VPS37A: variants seen among roughly 807,000 people sequenced by gnomAD.
The protein encoded by VPS37A is VPS37A subunit of ESCRT-I.
Under a neutral mutation model 49.8 loss-of-function variants are expected in VPS37A, and 30 were observed. The ratio of observed to expected loss-of-function variants is 0.60; its 90% CI spans 0.45 to 0.82. VPS37A has a LOEUF of 0.82. VPS37A is among the 40% of genes least tolerant of loss of function. The probability of loss-of-function intolerance (pLI) is 0.00; values close to 1 mark genes in which losing one functional copy is unlikely to be tolerated. For synonymous variants in VPS37A, 195 were observed against 160.6 expected (o/e 1.21, Z -1.62); for missense variants, 593 against 464.4 (o/e 1.28, Z -2.55).
rs1397475484 is a variant in VPS37A, at chr8:17,295,804, T to G, written c.*818T>G. The G allele has an allele frequency of 6.6e-6, 1 of 152,182 alleles. No individual in the cohort carries two copies. Among genetic ancestry groups the G allele is most frequent in the Non-Finnish European group, 1.5e-5 (1 of 68,022 alleles). 9.4% of individuals were successfully genotyped at this position (152,182 alleles called of 1,614,324 possible). A position where few individuals can be genotyped will look rare whatever the true frequency, so the allele number is the denominator to read the frequency against. On this transcript the variant is annotated 3_prime_UTR_variant, in exon 12 of 12. Transcript: ENST00000324849. Reference sequence around the variant, plus strand: ...ACACTAAATCTATACACAAAAAAAGTCAGTGAACTTTTCTGACCTTTACTG... The same window carrying G: ...ACACTAAATCTATACACAAAAAAAGGCAGTGAACTTTTCTGACCTTTACTG...
chr8:17,328,947 C>A, the VPS37A span, among the ~76,000 whole-genome samples: 25 of 152,300 alleles, frequency 1.6e-4, no homozygotes, highest in Non-Finnish European at 3.1e-4. Flanking sequence ...TATAGAGGAC[C>A]TACACAGGAT....
At chr8:17,250,789 A>G (rs1331358370) in intron 1 of VPS37A, among the ~76,000 whole-genome samples, 2 of 152,200 alleles carry the variant, frequency 1.3e-5, no homozygotes, top group East Asian at 1.9e-4. Context: ...GGTGAATTTT[A>G]TGTAAATTTT....
In VPS37A at chr8:17,247,447, C is replaced by T. The variant is rs1811366224; in HGVS notation, c.125+78C>T. 3.1e-5 allele frequency: 47 copies of T among 1,503,802 alleles called. No homozygotes were observed. The South Asian group carries it at 5.5e-4, about 18-fold the overall frequency. 93.2% of individuals were successfully genotyped at this position (1,503,802 alleles called of 1,614,324 possible). A position where few individuals can be genotyped will look rare whatever the true frequency, so the allele number is the denominator to read the frequency against. Reference sequence around the variant, plus strand: ...CTTGTCCTAACCACCCTCACAGCGCCTCAGTCTGCTCCCCACCAGCTCCTC... The same window carrying T: ...CTTGTCCTAACCACCCTCACAGCGCTTCAGTCTGCTCCCCACCAGCTCCTC... On this transcript the variant is annotated intron_variant, in intron 1 of 11. Coordinates refer to ENST00000324849, the MANE Select transcript of VPS37A (RefSeq NM_152415.3).
downstream of VPS37A, chr8:17,305,707 A>G (rs1246389809): frequency 1.3e-6 from 2 of 1,506,806 alleles, no homozygotes; most frequent in Non-Finnish European, 1.8e-6. Context: ...ATTCTCAGTC[A>G]TCAAAATCTT....
At chr8:17,312,844 T>TA in the VPS37A span, among the ~76,000 whole-genome samples, 1 of 152,158 alleles carries the variant, frequency 6.6e-6, no homozygotes, top group African/African-American at 2.4e-5. Flanking sequence ...CATTGCATTC[T>TA]AAAACAGCTT....
chr8:17,267,533 C>T lies in VPS37A; in HGVS notation c.201-725C>T, dbSNP rs1027535696. 5.3e-5 allele frequency among the ~76,000 whole-genome samples: 8 copies of T among 152,120 alleles called. No individual in the cohort carries two copies. In the South Asian group the frequency reaches 1.0e-3, roughly 20 times the overall value. On this transcript the variant is annotated intron_variant, in intron 2 of 11. Coordinates refer to ENST00000324849, the MANE Select transcript of VPS37A (RefSeq NM_152415.3). ...GTGAAACCATGTGATTGACCTCTAA[C>T]TTGGGAGAGATGTGTCATTTGGGGC... is the stretch of plus-strand genomic sequence containing the variant.
rs1814896066 is a variant in VPS37A, at chr8:17,280,061, G to A, written c.747G>A (p.Glu249=). 1.2e-6 allele frequency: 2 copies of A among 1,612,064 alleles called. No homozygotes were observed. Among genetic ancestry groups the A allele is most frequent in the East Asian group, 4.5e-5 (2 of 44,784 alleles). ...VSQLTDMNEQ[E]EVLLEQFLTL... is the part of the protein sequence containing the mutation. ...AACTCACAGATATGAATGAACAAGA[G>A]GAGGTATTACTAGAACAGTTTCTGA... Residue 249 remains glutamate (E), a synonymous_variant, in exon 7 of 12, where the codon GAG becomes GAA. Coordinates refer to ENST00000324849, the MANE Select transcript of VPS37A (RefSeq NM_152415.3).
At chr8:17,265,815 G>C in intron 1 of VPS37A, 92 bp from the exon 2 acceptor site, 1 of 1,597,300 alleles carries the variant, frequency 6.3e-7, no homozygotes, top group East Asian at 2.3e-5. Context: ...TAAAAATAAA[G>C]GTAGTTTTAG....
the VPS37A span, among the ~76,000 whole-genome samples, chr8:17,332,720 A>G: frequency 1.8e-4 from 27 of 152,162 alleles, no homozygotes; most frequent in Non-Finnish European, 2.9e-5. Context: ...TAAGTCAGAG[A>G]CCCTCTGTGC....
At chr8:17,275,275 C>T (rs1814413355) in intron 5 of VPS37A, among the ~76,000 whole-genome samples, 1 of 152,130 alleles carries the variant, frequency 6.6e-6, no homozygotes, top group Admixed American at 6.5e-5. Flanking sequence ...TCACCACTTT[C>T]TTAGTGCCTC....
At chr8:17,278,728 G>C (rs1814757097) in intron 6 of VPS37A, among the ~76,000 whole-genome samples, 1 of 151,938 alleles carries the variant, frequency 6.6e-6, no homozygotes, top group Non-Finnish European at 1.5e-5. Context: ...GTTGTCTTTA[G>C]GATATGACAT....
chr8:17,294,602 G>T (rs1294646993), intron 11 of VPS37A, among the ~76,000 whole-genome samples: 7 of 152,218 alleles, frequency 4.6e-5, no homozygotes, highest in Non-Finnish European at 4.4e-5. Context: ...CTCCTGGTCT[G>T]TGGGTTGCGA....
chr8:17,320,813 A>C, the VPS37A span, among the ~76,000 whole-genome samples: 1 of 152,172 alleles, frequency 6.6e-6, no homozygotes, highest in African/African-American at 2.4e-5. Context: ...AAAGCATGGC[A>C]AATTCCAGCA....
chr8:17,247,764 C>G (rs778444884), intron 1 of VPS37A: 1 of 702,570 alleles, frequency 1.4e-6, no homozygotes, highest in South Asian at 1.5e-5. Flanking sequence ...AGAGTAATCT[C>G]CAGGTTTCAC....
At position 17,296,859 on chromosome 8, in the gene VPS37A, T is replaced by C. The variant is rs1586106779; in HGVS notation, c.*1873T>C. 1 of 152,232 alleles carries C rather than the reference T, an allele frequency of 6.6e-6. No individual in the cohort carries two copies. Among genetic ancestry groups the C allele is most frequent in the African/African-American group, 2.4e-5 (1 of 41,470 alleles). The allele number at this position is 152,232 out of a possible 1,614,324, so 9.4% of individuals were successfully genotyped here. On this transcript the variant is annotated 3_prime_UTR_variant, in exon 12 of 12. Transcript: ENST00000324849. Reference sequence around the variant, plus strand: ...TCCCAGTTTCATTCTATACCATTCATTGGATAACCTTGTTACAACCCAGTC... The same window carrying C: ...TCCCAGTTTCATTCTATACCATTCACTGGATAACCTTGTTACAACCCAGTC...
chr8:17,325,009 T>G, the VPS37A span, among the ~76,000 whole-genome samples: 39 of 152,236 alleles, frequency 2.6e-4, no homozygotes, highest in African/African-American at 9.1e-4. Context: ...AAGCTTAAAT[T>G]TGCAATATCT....
At chr8:17,317,996 A>G in the VPS37A span, among the ~76,000 whole-genome samples, 146 of 152,206 alleles carry the variant, frequency 9.6e-4, no homozygotes, top group African/African-American at 3.5e-3. Context: ...TGGAACAGAA[A>G]CAAGAAATTC....
intron 4 of VPS37A, among the ~76,000 whole-genome samples, chr8:17,270,681 T>C (rs1030566853): frequency 3.3e-5 from 5 of 152,158 alleles, no homozygotes; most frequent in Non-Finnish European, 7.4e-5. Flanking sequence ...AAGAAGTTCA[T>C]ATGGGACTGG....
the VPS37A span, among the ~76,000 whole-genome samples, chr8:17,307,712 A>G: frequency 2.6e-5 from 4 of 152,234 alleles, no homozygotes; most frequent in African/African-American, 7.2e-5. Context: ...AGCCATAAAA[A>G]ATGATGAGTT....
Sources: gnomAD v4.1 joint callset for allele counts (sites outside exome capture counted in the v4.1 genomes callset) on GRCh38, gnomAD v4.1.1 for gene constraint, MANE v1.5 for transcripts, NCBI Gene and HGNC (gene_info 2026-07-23, HGNC 2026-07-21) for gene names.